The following TSPAN5 variants were observed in gnomAD, a reference collection of about 807,000 sequenced individuals.
TSPAN5 encodes tetraspanin-5.
In TSPAN5, 10 loss-of-function variants were observed where a neutral mutation model predicts 37.1. That is an observed-to-expected ratio of 0.27 (90% CI 0.17 to 0.46). TSPAN5 has a LOEUF of 0.46. Ranked by LOEUF, TSPAN5 falls within the 20% of genes least tolerant of loss-of-function variation. TSPAN5 has a pLI of 1.00. For synonymous variants in TSPAN5, 110 were observed against 118.9 expected, an observed-to-expected ratio of 0.93 and a Z score of 0.48; for missense variants, 195 against 326.6, an observed-to-expected ratio of 0.60 and a Z score of 3.11.
intron 2 of TSPAN5, among the ~76,000 whole-genome samples, chr4:98,498,590 G>A (rs1356283291): frequency 6.6e-6 from 1 of 152,140 alleles, no homozygotes; most frequent in African/African-American, 2.4e-5. Context: ...GGTCAGAGGA[G>A]GACTGAGAGG....
chr4:98,557,188 G>A lies in TSPAN5; in HGVS notation c.82-49460C>T, dbSNP rs113635269. ...AAATAGTACATTTTATCATACTAGC[G>A]TTTTTATTTTTCTAAACAGAATACA... is the stretch of plus-strand genomic sequence containing the variant. On this transcript the variant is annotated intron_variant, in intron 1 of 7. Coordinates refer to ENST00000305798, the MANE Select transcript of TSPAN5 (RefSeq NM_005723.4). Among the ~76,000 whole-genome samples, 204 of 152,170 alleles carry A rather than the reference G, an allele frequency of 1.3e-3. 1 individual carries two copies. Among genetic ancestry groups the A allele is most frequent in the African/African-American group, 4.3e-3 (178 of 41,528 alleles).
chr4:98,473,266 G>A (rs1034106264), intron 7 of TSPAN5, among the ~76,000 whole-genome samples: 1 of 152,134 alleles, frequency 6.6e-6, no homozygotes, highest in East Asian at 1.9e-4. Flanking sequence ...GTTTCCCAAA[G>A]AGGTTGCAAC....
At chr4:98,538,219 C>A (rs374867317) in intron 1 of TSPAN5, among the ~76,000 whole-genome samples, 8 of 152,232 alleles carry the variant, frequency 5.3e-5, no homozygotes, top group African/African-American at 1.9e-4. Flanking sequence ...CACTTTAGAA[C>A]AATGACTTTG....
chr4:98,553,708 G>C (rs892379940), intron 1 of TSPAN5, among the ~76,000 whole-genome samples: 1 of 151,990 alleles, frequency 6.6e-6, no homozygotes, highest in Admixed American at 6.6e-5. Flanking sequence ...CACCAGCTTG[G>C]GCAAGACCAT....
chr4:98,494,585 A>G (rs942706366), intron 2 of TSPAN5, among the ~76,000 whole-genome samples: 9 of 151,944 alleles, frequency 5.9e-5, no homozygotes, highest in Non-Finnish European at 1.0e-4. Context: ...GTAAATCCAA[A>G]CACGATGTGA....
At chr4:98,618,570 ACCTC>A (rs1271627567) in intron 1 of TSPAN5, among the ~76,000 whole-genome samples, 1 of 151,564 alleles carries the variant, frequency 6.6e-6, no homozygotes, top group Non-Finnish European at 1.5e-5. Flanking sequence ...CTCTGTTATT[ACCTC>A]CTCCTTTTTT....
In TSPAN5 at chr4:98,497,271, C is replaced by T. The variant is rs565668043; in HGVS notation, c.133-10387G>A. Among the ~76,000 whole-genome samples, 11 of 147,040 alleles carry T rather than the reference C, an allele frequency of 7.5e-5. 1 individual carries two copies. The highest frequency in any genetic ancestry group is 1.0e-4 in the Non-Finnish European group (7 of 67,324). On this transcript the variant is annotated intron_variant, in intron 2 of 7. Transcript: ENST00000305798. ...GGCGGAGGTTGCAGTGAGCCGAGAT[C>T]GTGCCACTGCACTCCAGCTTGGGTG...
rs1756373373 is a variant in TSPAN5 at position 98,617,720 on chromosome 4, G to A, written c.81+40426C>T. The stretch of plus-strand genomic sequence containing the variant: ...AGGCCCAGTTTCCCACCTCACTGTT[G>A]TTATTGTACCACACACAATCACCTC... On this transcript the variant is annotated intron_variant, in intron 1 of 7. Transcript: ENST00000305798. Among the ~76,000 whole-genome samples, 3 of 152,140 alleles carry A rather than the reference G, an allele frequency of 2.0e-5. 1 individual carries two copies. The South Asian group carries it at 6.2e-4, about 32-fold the overall frequency.
rs10680446 is a variant in TSPAN5 at position 98,528,414 on chromosome 4, A to ATT, written c.82-20688_82-20687dup. On this transcript the variant is annotated intron_variant, in intron 1 of 7. Coordinates refer to ENST00000305798, the MANE Select transcript of TSPAN5 (RefSeq NM_005723.4). ...CCAAAATAATTAAATGTAACAGATG[A>ATT]TTTTTTTTTTTTTTTTTGCTGTCAC... 3.2e-3 allele frequency among the ~76,000 whole-genome samples: 462 copies of ATT among 143,780 alleles called. 8 individuals are homozygous for ATT. The highest frequency in any genetic ancestry group is 9.4e-3 in the African/African-American group (369 of 39,436). 94.3% of individuals were successfully genotyped at this position (143,780 alleles called of 152,430 possible). A position where few individuals can be genotyped will look rare whatever the true frequency, so the allele number is the denominator to read the frequency against.
intron 2 of TSPAN5, among the ~76,000 whole-genome samples, chr4:98,489,408 G>A (rs777552167): frequency 1.3e-5 from 2 of 152,298 alleles, no homozygotes; most frequent in Non-Finnish European, 1.5e-5. Flanking sequence ...GAGAGCACAG[G>A]GGGAGGGACA....
At position 98,507,731 on chromosome 4, in the gene TSPAN5, G is replaced by C. The variant is rs1440626126; in HGVS notation, c.82-3C>G. On this transcript the variant is annotated splice_polypyrimidine_tract_variant and splice_region_variant and intron_variant, in intron 1 of 7. Coordinates refer to ENST00000305798, the MANE Select transcript of TSPAN5 (RefSeq NM_005723.4). ...CCAAGAAATGTTATTCCCAAAAACT[G>C]AAAAAGAAAGAAAGCAGTGTAAATA... The C allele has an allele frequency of 6.2e-7, 1 of 1,604,848 alleles. No homozygotes were observed. Among genetic ancestry groups the C allele is most frequent in the East Asian group, 2.2e-5 (1 of 44,654 alleles).
chr4:98,650,402 C>T (rs1056232937), intron 1 of TSPAN5, among the ~76,000 whole-genome samples: 6 of 152,082 alleles, frequency 3.9e-5, no homozygotes, highest in Non-Finnish European at 7.4e-5. Context: ...GCACTAACAG[C>T]TGAGGAGGGC....
intron 1 of TSPAN5, among the ~76,000 whole-genome samples, chr4:98,619,383 T>C (rs1048735827): frequency 3.3e-5 from 5 of 152,190 alleles, no homozygotes; most frequent in African/African-American, 1.2e-4. Context: ...CATGAAACAA[T>C]AAACCTACAG....
intron 1 of TSPAN5, among the ~76,000 whole-genome samples, chr4:98,601,309 G>C (rs777887167): frequency 6.6e-6 from 1 of 152,200 alleles, no homozygotes; most frequent in Non-Finnish European, 1.5e-5. Flanking sequence ...CTCTAGCTAT[G>C]AAAGTCTTGG....
At chr4:98,592,768 C>A (rs1755679738) in intron 1 of TSPAN5, among the ~76,000 whole-genome samples, 1 of 151,132 alleles carries the variant, frequency 6.6e-6, no homozygotes, top group Non-Finnish European at 1.5e-5. Flanking sequence ...GATATGAACT[C>A]ATCATTTTTT....
chr4:98,654,346 T>A (rs1390535364), intron 1 of TSPAN5, among the ~76,000 whole-genome samples: 1 of 152,190 alleles, frequency 6.6e-6, no homozygotes, highest in African/African-American at 2.4e-5. Context: ...CAGTTAAGTA[T>A]CCAGAATCCA....
At chr4:98,597,873 G>C (rs1755780949) in intron 1 of TSPAN5, among the ~76,000 whole-genome samples, 1 of 42,946 alleles carries the variant, frequency 2.3e-5, no homozygotes, top group African/African-American at 2.0e-4. Flanking sequence ...GTCTGCAGAG[G>C]TTACTGCTGT....
intron 1 of TSPAN5, 39 bp downstream of exon 1, chr4:98,658,107 G>C (rs375681674): frequency 3.9e-6 from 6 of 1,551,874 alleles, no homozygotes; most frequent in Non-Finnish European, 5.3e-6. Flanking sequence ...CGAATCGATC[G>C]GCCACAATAG....
intron 1 of TSPAN5, among the ~76,000 whole-genome samples, chr4:98,625,410 A>G (rs1168605559): frequency 6.6e-6 from 1 of 152,242 alleles, no homozygotes; most frequent in Admixed American, 6.5e-5. Flanking sequence ...TCCAAAGCCC[A>G]TGAAACTGAC....
Sources: gnomAD v4.1 joint callset for allele counts (sites outside exome capture counted in the v4.1 genomes callset) on GRCh38, gnomAD v4.1.1 for gene constraint, MANE v1.5 for transcripts, NCBI Gene and HGNC (gene_info 2026-07-23, HGNC 2026-07-21) for gene names.